PRDM2: variants seen among roughly 807,000 people sequenced by gnomAD.
PRDM2 encodes PR/SET domain 2.
PRDM2 carries 30 observed loss-of-function variants against 130.0 expected under a neutral mutation model. That is an observed-to-expected ratio of 0.23 (90% CI 0.17 to 0.31). The LOEUF (loss-of-function observed/expected upper bound fraction) is 0.31, where lower values mean the gene tolerates loss of function less well. PRDM2 is among the 10% of genes least tolerant of loss of function. The pLI is 1.00. For synonymous variants in PRDM2, 871 were observed against 782.4 expected (o/e 1.11, Z -1.89); for missense variants, 2,011 against 2,108.4 (o/e 0.95, Z 0.90).
Position 13,731,020 on chromosome 1 carries a change from G to A in PRDM2, c.30G>A (p.Ala10=), listed in dbSNP as rs776098715. The A allele has an allele frequency of 7.5e-6, 12 of 1,610,476 alleles. No homozygotes were observed. In the East Asian group the frequency reaches 2.0e-4, roughly 27 times the overall value. ...TGCAGAACACTACTGAGCCTGTGGC[G>A]GCCACCGAGACCCTGGCTGAGGTAC... MNQNTTEPV[A]ATETLAEVPE... Residue 10 remains alanine, a synonymous_variant, in exon 3 of 10, where the codon GCG becomes GCA. Transcript: ENST00000311066.
Position 13,782,344 on chromosome 1 carries a change from A to G in PRDM2, c.4549A>G (p.Thr1517Ala). 1 of 1,614,100 alleles carries G rather than the reference A, an allele frequency of 6.2e-7. No individual in the cohort carries two copies. The highest frequency in any genetic ancestry group is 8.5e-7 in the Non-Finnish European group (1 of 1,180,030). ...KNSNSNHRRR[T>A]ADAEIKMQSM... ...CAGTAACAGCAACCACCGCAGACGG[A>G]CAGCGGATGCGGAGATTAAAATGCA... Residue 1517 changes from threonine to alanine, a missense_variant, in exon 8 of 10, where the codon ACA becomes GCA. By Grantham distance (58) the Thr-to-Ala change is moderately conservative (BLOSUM62 0). Coordinates refer to ENST00000311066, the MANE Select transcript of PRDM2 (RefSeq NM_001393986.1).
In PRDM2 at chr1:13,780,810, C is replaced by T. The variant is rs770916154; in HGVS notation, c.3015C>T (p.His1005=). The change falls in exon 8 of 10, where the codon CAC becomes CAT. Residue 1005 remains histidine, a synonymous_variant. Coordinates refer to ENST00000311066, the MANE Select transcript of PRDM2 (RefSeq NM_001393986.1). The part of the protein sequence containing the change: ...LPAPSSSASP[H]PCPSPLSNAT... ...CCCCCTCTTCCAGTGCATCTCCACACCCATGCCCCTCTCCACTCTCAAATG... is the reference window on the plus strand; with the variant it reads ...CCCCCTCTTCCAGTGCATCTCCACATCCATGCCCCTCTCCACTCTCAAATG... 5 of 1,599,724 alleles carry T rather than the reference C, an allele frequency of 3.1e-6. No homozygotes were observed. The East Asian group carries it at 1.1e-4, about 36-fold the overall frequency.
rs982182176 is a variant in PRDM2, at chr1:13,748,860, A to G, written c.385-501A>G. Among the ~76,000 whole-genome samples the G allele has an allele frequency of 1.6e-4, 25 of 152,238 alleles. No individual in the cohort carries two copies. In the South Asian group the frequency reaches 5.0e-3, roughly 30 times the overall value. ...TCCCGTTGGCGGCTCTGGGATAGAAACCGCGGCGCATTTGTAAGTGCTTGC... is the reference window on the plus strand; with the variant it reads ...TCCCGTTGGCGGCTCTGGGATAGAAGCCGCGGCGCATTTGTAAGTGCTTGC... On this transcript the variant is annotated intron_variant, in intron 5 of 9. Transcript: ENST00000311066.
At chr1:13,750,818 T>C (rs1643807493) in intron 6 of PRDM2, among the ~76,000 whole-genome samples, 1 of 152,180 alleles carries the variant, frequency 6.6e-6, no homozygotes, top group African/African-American at 2.4e-5. Flanking sequence ...TGGGATTTTA[T>C]TGCTATTAGG....
chr1:13,749,387 G>C lies in PRDM2; in HGVS notation c.411G>C (p.Leu137=). 1.3e-6 allele frequency: 2 copies of C among 1,499,580 alleles called. No individual in the cohort carries two copies. The highest frequency in any genetic ancestry group is 1.8e-6 in the Non-Finnish European group (2 of 1,110,436). 92.9% of individuals were successfully genotyped at this position (1,499,580 alleles called of 1,614,324 possible). The part of the protein sequence containing the change: ...LKPIAPGEEL[L]VWYNGEDNPE... ...CAATCGCGCCGGGCGAGGAGCTCCT[G>C]GTCTGGTACAATGGGGAAGACAACC... Residue 137 remains leucine (L), a synonymous_variant, in exon 6 of 10, where the codon CTG becomes CTC. Coordinates refer to ENST00000311066, the MANE Select transcript of PRDM2 (RefSeq NM_001393986.1).
chr1:13,779,212 G>A lies in PRDM2; in HGVS notation c.1417G>A (p.Val473Ile), dbSNP rs138484684. 62 of 1,614,090 alleles carry A rather than the reference G, an allele frequency of 3.8e-5. No individual in the cohort carries two copies. The highest frequency in any genetic ancestry group is 5.3e-5 in the African/African-American group (4 of 74,922). Residue 473 changes from valine (V) to isoleucine (I), a missense_variant, in exon 8 of 10, where the codon GTA becomes ATA. Coordinates refer to ENST00000311066, the MANE Select transcript of PRDM2 (RefSeq NM_001393986.1). This position sits in a 1 kb window ranked among gnomAD's most constrained non-coding sequence, Gnocchi z 4.9. The part of the protein sequence containing the change: ...ASQDTINSSV[V>I]EENGEVKELH... ...CCAAGACACAATAAATTCTTCTGTC[G>A]TAGAAGAGAATGGGGAAGTTAAAGA...
At chr1:13,796,918 A>G (rs570801797) in intron 8 of PRDM2, among the ~76,000 whole-genome samples, 1 of 152,304 alleles carries the variant, frequency 6.6e-6, no homozygotes, top group African/African-American at 2.4e-5. Context: ...TAAAGAAATG[A>G]TTTGTGGAGG....
At chr1:13,785,271 G>A (rs1476699941) in intron 8 of PRDM2, among the ~76,000 whole-genome samples, 4 of 151,738 alleles carry the variant, frequency 2.6e-5, no homozygotes, top group South Asian at 2.1e-4. Flanking sequence ...ATTACATGTC[G>A]AGGAATACTC....
At chr1:13,816,742 C>A (rs186068450) in intron 9 of PRDM2, among the ~76,000 whole-genome samples, 172 bp downstream of exon 9, 2 of 152,174 alleles carry the variant, frequency 1.3e-5, no homozygotes, top group East Asian at 1.9e-4. Flanking sequence ...GTGCAGACTC[C>A]GGACCACTTG....
At chr1:13,822,232 C>G (rs555472891) in intron 9 of PRDM2, among the ~76,000 whole-genome samples, 283 of 152,210 alleles carry the variant, frequency 1.9e-3, no homozygotes, top group African/African-American at 6.7e-3. Context: ...ATCCTACGAC[C>G]CAGCATTTCC....
Position 13,780,277 on chromosome 1 carries a change from A to G in PRDM2, c.2482A>G (p.Ser828Gly), listed in dbSNP as rs886982414. ...VCNQQPLDLS[S>G]GVKQKAEGTG... ...CAACCAGCAGCCACTGGATTTATCC[A>G]GCGGTGTCAAACAGAAGGCTGAGGG... The change falls in exon 8 of 10, where the codon AGC becomes GGC. Residue 828 changes from serine to glycine, a missense_variant. Physicochemically the swap from Ser to Gly is moderately conservative, Grantham distance 56. Coordinates refer to ENST00000311066, the MANE Select transcript of PRDM2 (RefSeq NM_001393986.1). 2.5e-6 allele frequency: 4 copies of G among 1,614,016 alleles called. No individual in the cohort carries two copies. The Admixed American group carries it at 6.7e-5, about 27-fold the overall frequency.
At chr1:13,742,266 T>C in intron 5 of PRDM2, 109 bp downstream of exon 5, 1 of 1,229,020 alleles carries the variant, frequency 8.1e-7, no homozygotes, top group Non-Finnish European at 1.1e-6. Context: ...AGGGGCTCCA[T>C]CACGGCTCAC....
At position 13,748,898 on chromosome 1, in the gene PRDM2, C is replaced by T. The variant is rs545571854; in HGVS notation, c.385-463C>T. Among the ~76,000 whole-genome samples the T allele has an allele frequency of 5.9e-5, 9 of 152,208 alleles. No individual in the cohort carries two copies. In the South Asian group the frequency reaches 1.9e-3, roughly 31 times the overall value. On this transcript the variant is annotated intron_variant, in intron 5 of 9. Transcript: ENST00000311066. ...TGTAAGTGCTTGCGCGTGGTTCCTC[C>T]TCGTTGTCCTGTTGAAGTTGCTCTT...
intron 6 of PRDM2, among the ~76,000 whole-genome samples, chr1:13,753,267 A>G (rs899766419): frequency 2.0e-5 from 3 of 152,248 alleles, no homozygotes; most frequent in African/African-American, 4.8e-5. Flanking sequence ...AAAGTTTATT[A>G]CAAAATCGGT....
intron 3 of PRDM2, among the ~76,000 whole-genome samples, chr1:13,731,601 G>C (rs1643114004): frequency 6.6e-6 from 1 of 152,146 alleles, no homozygotes; most frequent in African/African-American, 2.4e-5. Context: ...GTAGATACTT[G>C]AATGAATGAC....
chr1:13,745,186 A>G (rs983951172), intron 5 of PRDM2, among the ~76,000 whole-genome samples: 2 of 152,190 alleles, frequency 1.3e-5, no homozygotes, highest in Non-Finnish European at 2.9e-5. Context: ...TAATAAGTAA[A>G]TAAGAAAGTA....
chr1:13,702,804 C>T (rs899622321), intron 1 of PRDM2, among the ~76,000 whole-genome samples: 1 of 151,982 alleles, frequency 6.6e-6, no homozygotes, highest in Non-Finnish European at 1.5e-5. Context: ...ATTTTTAATA[C>T]TCATGCAGAA....
At chr1:13,749,136 C>T (rs565151778) in intron 5 of PRDM2, among the ~76,000 whole-genome samples, 3 of 152,162 alleles carry the variant, frequency 2.0e-5, no homozygotes, top group South Asian at 2.1e-4. Flanking sequence ...CCTTCCGCGC[C>T]CCTCGCCCCA....
At chr1:13,804,182 T>C (rs1203672) in intron 8 of PRDM2, among the ~76,000 whole-genome samples, 130,709 of 152,108 alleles carry the variant, frequency 0.86, 56,588 homozygotes, top group African/African-American at 0.97. Flanking sequence ...CATGGGCCAG[T>C]GTGTACTAAT....
Sources: allele counts gnomAD v4.1 joint callset (sites outside exome capture counted in the v4.1 genomes callset), GRCh38; gene constraint gnomAD v4.1.1; non-coding constraint Gnocchi (gnomAD v3.1); transcripts MANE v1.5; gene names NCBI Gene and HGNC (gene_info 2026-07-23, HGNC 2026-07-21).